ATP6V1C1: variants seen among roughly 807,000 people sequenced by gnomAD.
ATP6V1C1 encodes ATPase H+ transporting V1 subunit C1.
A neutral mutation model predicts 53.9 loss-of-function variants in ATP6V1C1; 45 were observed. That is an observed-to-expected ratio of 0.83 (90% confidence interval 0.66 to 1.07). The LOEUF (loss-of-function observed/expected upper bound fraction) is 1.07. Ranked by LOEUF, ATP6V1C1 falls within the 50% of genes least tolerant of loss-of-function variation. The pLI, the probability that ATP6V1C1 is intolerant of heterozygous loss-of-function variation, is 0.00. For synonymous variants in ATP6V1C1, 153 were observed against 155.2 expected (o/e 0.99, Z 0.11); for missense variants, 315 against 440.3 (o/e 0.72, Z 2.55).
intron 2 of ATP6V1C1, 78 bp downstream of exon 2, chr8:103,041,046 G>T (rs1415607360): frequency 8.1e-6 from 12 of 1,476,904 alleles, no homozygotes; most frequent in Non-Finnish European, 1.1e-5. Flanking sequence ...GTGGAAATGA[G>T]ATACCCAGGT....
intron 1 of ATP6V1C1, among the ~76,000 whole-genome samples, chr8:103,035,872 T>G (rs1366176498): frequency 6.6e-6 from 1 of 152,156 alleles, no homozygotes; most frequent in Non-Finnish European, 1.5e-5. Context: ...ATCTCGAATT[T>G]TGTGTGTGTG....
chr8:103,068,552 C>A, intron 12 of ATP6V1C1, 100 bp from the exon 13 acceptor site: 1 of 810,686 alleles, frequency 1.2e-6, no homozygotes, highest in South Asian at 2.2e-5. Flanking sequence ...ATACATTTAG[C>A]CCAGAGTAGA....
At position 103,072,623 on chromosome 8, in the gene ATP6V1C1, A is replaced by G. The variant is rs1817604233; in HGVS notation, c.*3876A>G. ...AATGGTCTTTATTTTTCTAGCATAGATAACAATTGATTCTTTAGATTCATA... is the reference window on the plus strand; with the variant it reads ...AATGGTCTTTATTTTTCTAGCATAGGTAACAATTGATTCTTTAGATTCATA... On this transcript the variant is annotated 3_prime_UTR_variant, in exon 13 of 13. Transcript: ENST00000518738. 1 of 152,250 alleles carries G rather than the reference A, an allele frequency of 6.6e-6. No individual in the cohort carries two copies. The highest frequency in any genetic ancestry group is 6.5e-5 in the Admixed American group (1 of 15,288). The allele number at this position is 152,250 out of a possible 1,614,324, so 9.4% of individuals were successfully genotyped here.
Position 103,048,753 on chromosome 8 carries a change from G to T in ATP6V1C1, c.201-117G>T, listed in dbSNP as rs939234118. ...AGATCCATTTATTGTGTATTATATG[G>T]ATAGGTATAATGGGAACATATAGTC... is the stretch of plus-strand genomic sequence containing the variant. On this transcript the variant is annotated intron_variant, in intron 3 of 12. Coordinates refer to ENST00000518738, the MANE Select transcript of ATP6V1C1 (RefSeq NM_001695.5). 3.6e-5 allele frequency: 28 copies of T among 773,014 alleles called. No individual in the cohort carries two copies. In the East Asian group the frequency reaches 5.7e-4, roughly 16 times the overall value. 47.9% of individuals were successfully genotyped at this position (773,014 alleles called of 1,614,324 possible).
At chr8:103,053,666 A>G (rs965054198) in intron 6 of ATP6V1C1, among the ~76,000 whole-genome samples, 2 of 151,996 alleles carry the variant, frequency 1.3e-5, no homozygotes, top group Non-Finnish European at 2.9e-5. Flanking sequence ...AGCAAACACA[A>G]AACACTAGAG....
At chr8:103,028,814 C>T (rs544858431) in intron 1 of ATP6V1C1, among the ~76,000 whole-genome samples, 17 of 152,246 alleles carry the variant, frequency 1.1e-4, no homozygotes, top group Admixed American at 9.8e-4. Context: ...GTAAAAGGGC[C>T]GTTTACCAAC....
At chr8:103,021,961 C>T (rs773748834) in intron 1 of ATP6V1C1, among the ~76,000 whole-genome samples, 1 of 152,054 alleles carries the variant, frequency 6.6e-6, no homozygotes, top group African/African-American at 2.4e-5. Flanking sequence ...TGCTTCAGTG[C>T]GAGCCCAGTA....
chr8:103,056,533 T>C (rs1277759756), intron 8 of ATP6V1C1, among the ~76,000 whole-genome samples: 5 of 152,222 alleles, frequency 3.3e-5, no homozygotes, highest in Non-Finnish European at 7.3e-5. Flanking sequence ...TGGACAGTTA[T>C]CATTCTTATT....
At chr8:103,059,196 T>C (rs62525315) in intron 8 of ATP6V1C1, among the ~76,000 whole-genome samples, 11,020 of 152,112 alleles carry the variant, frequency 0.072, 492 homozygotes, top group East Asian at 0.13. Flanking sequence ...TGTCCAGAAG[T>C]TTCTCTATGT....
chr8:103,059,594 C>T (rs757839966), intron 8 of ATP6V1C1, among the ~76,000 whole-genome samples: 5 of 150,180 alleles, frequency 3.3e-5, no homozygotes, highest in African/African-American at 7.4e-5. Flanking sequence ...TTGGTTGAAC[C>T]GTTAAAAATT....
intron 1 of ATP6V1C1, among the ~76,000 whole-genome samples, chr8:103,038,432 C>A (rs1399213240): frequency 6.6e-6 from 1 of 152,174 alleles, no homozygotes; most frequent in African/African-American, 2.4e-5. Flanking sequence ...CAAAGTCACA[C>A]TGCATAGGAG....
rs1817497096 is a variant in ATP6V1C1, at chr8:103,066,695, T to C, written c.1053+248T>C. Among the ~76,000 whole-genome samples the C allele has an allele frequency of 2.0e-5, 3 of 152,204 alleles. No individual in the cohort carries two copies. In the South Asian group the frequency reaches 6.2e-4, roughly 31 times the overall value. On this transcript the variant is annotated intron_variant, in intron 12 of 12. Transcript: ENST00000518738. ...AATTATCTTGCTGTGTATCAGATGT[T>C]TATAGCTGCAGAAATACAGAAACCA...
At chr8:103,021,415 A>T (rs1288887215) in intron 1 of ATP6V1C1, 190 bp downstream of exon 1, 1 of 152,208 alleles carries the variant, frequency 6.6e-6, no homozygotes, top group East Asian at 1.9e-4. Flanking sequence ...TTCCGTCTCT[A>T]AGGAAGAGAA....
At position 103,052,727 on chromosome 8, in the gene ATP6V1C1, A is replaced by C. The variant is rs546422676; in HGVS notation, c.382-4A>C. 1.6e-5 allele frequency: 25 copies of C among 1,554,028 alleles called. No homozygotes were observed. In the Admixed American group the frequency reaches 4.9e-4, roughly 31 times the overall value. On this transcript the variant is annotated splice_polypyrimidine_tract_variant and splice_region_variant and intron_variant, in intron 5 of 12. Coordinates refer to ENST00000518738, the MANE Select transcript of ATP6V1C1 (RefSeq NM_001695.5). Reference sequence around the variant, plus strand: ...TCTATTTTTCTTCTTTTTCTTTTTCAAAGGGAGTAACTCAGATTGATAATG... The same window carrying C: ...TCTATTTTTCTTCTTTTTCTTTTTCCAAGGGAGTAACTCAGATTGATAATG...
intron 1 of ATP6V1C1, among the ~76,000 whole-genome samples, chr8:103,028,709 C>A (rs748404580): frequency 1.4e-4 from 21 of 152,300 alleles, no homozygotes; most frequent in Non-Finnish European, 2.6e-4. Context: ...GGATTAGATT[C>A]CAAGTCTTCA....
rs1586333209 is a variant in ATP6V1C1, at chr8:103,071,102, A to C, written c.*2355A>C. 1 of 152,240 alleles carries C rather than the reference A, an allele frequency of 6.6e-6. No homozygotes were observed. Among genetic ancestry groups the C allele is most frequent in the South Asian group, 2.1e-4 (1 of 4,830 alleles). The allele number at this position is 152,240 out of a possible 1,614,324, so 9.4% of individuals were successfully genotyped here. On this transcript the variant is annotated 3_prime_UTR_variant, in exon 13 of 13. Coordinates refer to ENST00000518738, the MANE Select transcript of ATP6V1C1 (RefSeq NM_001695.5). ...TTAGAAGGAAGTCATTGTGTCTAAC[A>C]TAACAACAGAGCAGTTTGTGTCACT...
At chr8:103,045,967 G>C (rs3133431) in intron 3 of ATP6V1C1, among the ~76,000 whole-genome samples, 1 of 151,358 alleles carries the variant, frequency 6.6e-6, no homozygotes. Flanking sequence ...AAAAAAATGT[G>C]AGGGAACTTT....
At chr8:103,032,286 C>T (rs996264119) in intron 1 of ATP6V1C1, among the ~76,000 whole-genome samples, 2 of 152,104 alleles carry the variant, frequency 1.3e-5, no homozygotes, top group African/African-American at 2.4e-5. Flanking sequence ...TTCATTAGTC[C>T]GCATGGAAAT....
intron 1 of ATP6V1C1, among the ~76,000 whole-genome samples, chr8:103,022,214 G>A (rs2131377816): frequency 6.6e-6 from 1 of 152,290 alleles, no homozygotes; most frequent in South Asian, 2.1e-4. Context: ...AAGCCCTCAG[G>A]ATTTGAACAG....
Sources: gnomAD v4.1 joint callset for allele counts (sites outside exome capture counted in the v4.1 genomes callset) on GRCh38, gnomAD v4.1.1 for gene constraint, MANE v1.5 for transcripts, NCBI Gene and HGNC (gene_info 2026-07-23, HGNC 2026-07-21) for gene names.